Variants in FGF12 observed in about 807,000 individuals in gnomAD.
FGF12 encodes fibroblast growth factor 12B.
FGF12 carries 14 observed loss-of-function variants against 23.6 expected under a neutral mutation model. The ratio of observed to expected loss-of-function variants is 0.59; its 90% CI spans 0.39 to 0.93. The LOEUF is 0.93. FGF12 is among the 40% of genes least tolerant of loss of function. The pLI is 0.00. For missense variants in FGF12, 175 were observed against 217.8 expected (o/e 0.80, Z 1.24); for synonymous variants, 62 against 77.3 (o/e 0.80, Z 1.04).
intron 2 of FGF12, among the ~76,000 whole-genome samples, chr3:192,389,061 G>A (rs1720176990): frequency 6.6e-6 from 1 of 152,100 alleles, no homozygotes; most frequent in Non-Finnish European, 1.5e-5. Flanking sequence ...AATGTGAAAA[G>A]ACTTAAATTA....
chr3:192,545,628 C>T (rs1725476652), intron 2 of FGF12, among the ~76,000 whole-genome samples: 1 of 152,178 alleles, frequency 6.6e-6, no homozygotes, highest in Admixed American at 6.5e-5. Context: ...GAAAAAGTAG[C>T]TTCCAGAAGA....
intron 2 of FGF12, among the ~76,000 whole-genome samples, chr3:192,431,936 C>T (rs78714519): frequency 0.025 from 3,746 of 152,260 alleles, 133 homozygotes; most frequent in African/African-American, 0.08. Context: ...CATATCAATA[C>T]ACATGTACAC....
At chr3:192,370,968 C>G (rs1031905330) in intron 2 of FGF12, among the ~76,000 whole-genome samples, 1 of 152,104 alleles carries the variant, frequency 6.6e-6, no homozygotes, top group African/African-American at 2.4e-5. Context: ...GCAGGCATTC[C>G]CATGAAGCCA....
chr3:192,204,526 A>C (rs1288398401), intron 4 of FGF12, among the ~76,000 whole-genome samples: 3 of 152,216 alleles, frequency 2.0e-5, no homozygotes, highest in Non-Finnish European at 4.4e-5. Flanking sequence ...GCTGCATTTT[A>C]ATAACCTGTG....
intron 2 of FGF12, among the ~76,000 whole-genome samples, chr3:192,544,832 G>C (rs979479938): frequency 1.1e-4 from 17 of 152,064 alleles, no homozygotes; most frequent in South Asian, 6.2e-4. Flanking sequence ...ACAGAATCAG[G>C]GTACAGTCGT....
At chr3:192,635,658 C>T (rs1715552251) in intron 2 of FGF12, among the ~76,000 whole-genome samples, 1 of 152,216 alleles carries the variant, frequency 6.6e-6, no homozygotes. Context: ...TTTGATATCA[C>T]TTCAACCAAT....
At chr3:192,189,211 TCTC>T (rs1024308279) in intron 4 of FGF12, among the ~76,000 whole-genome samples, 1 of 152,210 alleles carries the variant, frequency 6.6e-6, no homozygotes, top group Non-Finnish European at 1.5e-5. Context: ...ATTTATTTAT[TCTC>T]CTTTCTTCCT....
rs1444405213 is a variant in FGF12 at position 192,139,894 on chromosome 3, A to G, written c.*4115T>C. On this transcript the variant is annotated 3_prime_UTR_variant, in exon 6 of 6. Coordinates refer to ENST00000445105, the MANE Select transcript of FGF12 (RefSeq NM_004113.6). ...TCTTTCACCACAAATTCTCAATTTG[A>G]TATGACTTAACATGAAATCTGTATT... 2.6e-5 allele frequency: 4 copies of G among 152,056 alleles called. No individual in the cohort carries two copies. The highest frequency in any genetic ancestry group is 4.4e-5 in the Non-Finnish European group (3 of 67,932). 9.4% of individuals were successfully genotyped at this position (152,056 alleles called of 1,614,324 possible). A position where few individuals can be genotyped will look rare whatever the true frequency, so the allele number is the denominator to read the frequency against.
At chr3:192,648,855 T>C (rs1340369300) in intron 2 of FGF12, among the ~76,000 whole-genome samples, 1 of 152,192 alleles carries the variant, frequency 6.6e-6, no homozygotes, top group Non-Finnish European at 1.5e-5. Flanking sequence ...AATTGAAGTA[T>C]GGGGCCAGAA....
In FGF12 at chr3:192,336,291, C is replaced by A. The variant is rs1457787788; in HGVS notation, c.125-827G>T. 6.6e-6 allele frequency among the ~76,000 whole-genome samples: 1 copy of A among 151,950 alleles called. No individual in the cohort carries two copies. The highest frequency in any genetic ancestry group is 2.4e-5 in the African/African-American group (1 of 41,366). ...AATGGAAACATGCTTGCAGTCTTTA[C>A]ATATTCGAGTTGCTCATCACTCAAA... On this transcript the variant is annotated intron_variant, in intron 3 of 5. Coordinates refer to ENST00000445105, the MANE Select transcript of FGF12 (RefSeq NM_004113.6). This position sits in a 1 kb window ranked among gnomAD's most constrained non-coding sequence, Gnocchi z 4.3.
chr3:192,401,165 A>T (rs1054625355), intron 2 of FGF12, among the ~76,000 whole-genome samples: 2 of 152,260 alleles, frequency 1.3e-5, no homozygotes, highest in African/African-American at 2.4e-5. Context: ...ACAAAAAGGA[A>T]TTAATGAAAA....
intron 5 of FGF12, among the ~76,000 whole-genome samples, chr3:192,149,184 T>G (rs1185380753): frequency 6.6e-6 from 1 of 152,180 alleles, no homozygotes; most frequent in East Asian, 1.9e-4. Flanking sequence ...AAAAATCTAT[T>G]AATTCCTTTA....
intron 4 of FGF12, among the ~76,000 whole-genome samples, chr3:192,215,831 T>C (rs1718166247): frequency 6.6e-6 from 1 of 152,218 alleles, no homozygotes; most frequent in African/African-American, 2.4e-5. Flanking sequence ...AAAACAACTT[T>C]CTAGTTTCCC....
intron 2 of FGF12, among the ~76,000 whole-genome samples, chr3:192,674,183 T>C (rs1479653262): frequency 6.6e-6 from 1 of 152,034 alleles, no homozygotes; most frequent in East Asian, 1.9e-4. Context: ...TGACAAATTA[T>C]TATGTACCAT....
chr3:192,582,457 T>C (rs1713196194), intron 2 of FGF12, among the ~76,000 whole-genome samples: 1 of 152,158 alleles, frequency 6.6e-6, no homozygotes. Context: ...ATGAAGAGGA[T>C]GGGCTGACGT....
Position 192,301,560 on chromosome 3 carries a change from T to C in FGF12, c.228+33801A>G, listed in dbSNP as rs140964665. Among the ~76,000 whole-genome samples, 68 of 152,202 alleles carry C rather than the reference T, an allele frequency of 4.5e-4. 1 individual carries two copies. The East Asian group carries it at 9.1e-3, about 20-fold the overall frequency. ...GTTAAGTGAGTAAGAACCCAAAAAA[T>C]TATGATAAGCTCTACGGAGGAAAAG... is the stretch of plus-strand genomic sequence containing the variant. On this transcript the variant is annotated intron_variant, in intron 4 of 5. Coordinates refer to ENST00000445105, the MANE Select transcript of FGF12 (RefSeq NM_004113.6).
intron 2 of FGF12, among the ~76,000 whole-genome samples, chr3:192,478,150 T>C (rs1723378299): frequency 6.6e-6 from 1 of 152,186 alleles, no homozygotes; most frequent in Non-Finnish European, 1.5e-5. Flanking sequence ...TAAGCAAATA[T>C]CTTGCCCTAC....
At chr3:192,679,504 T>G (rs1717443864) in intron 2 of FGF12, among the ~76,000 whole-genome samples, 1 of 151,488 alleles carries the variant, frequency 6.6e-6, no homozygotes, top group Non-Finnish European at 1.5e-5. Context: ...AGGTGGGAGG[T>G]CAGAGGTGGG....
At chr3:192,599,568 G>A (rs1714022335) in intron 2 of FGF12, among the ~76,000 whole-genome samples, 1 of 151,964 alleles carries the variant, frequency 6.6e-6, no homozygotes, top group Non-Finnish European at 1.5e-5. Flanking sequence ...CACTATGTAA[G>A]TATTTCCAAC....
Sources: gnomAD v4.1 joint callset for allele counts (sites outside exome capture counted in the v4.1 genomes callset) on GRCh38, gnomAD v4.1.1 for gene constraint, Gnocchi (gnomAD v3.1) non-coding constraint, MANE v1.5 for transcripts, NCBI Gene and HGNC (gene_info 2026-07-23, HGNC 2026-07-21) for gene names.